The following ZFYVE9 variants were observed in gnomAD, a reference collection of about 807,000 sequenced individuals.
The protein encoded by ZFYVE9 is zinc finger FYVE-type containing 9, also known as zinc finger FYVE domain-containing protein 9.
ZFYVE9 carries 43 observed loss-of-function variants against 126.7 expected under a neutral mutation model. The observed-to-expected ratio is 0.34, with a 90% CI of 0.27 to 0.44. The LOEUF (loss-of-function observed/expected upper bound fraction) is 0.44. Ranked by LOEUF, ZFYVE9 falls within the 20% of genes least tolerant of loss-of-function variation. The pLI is 1.00. For missense variants in ZFYVE9, 1,476 were observed against 1,697.0 expected (o/e 0.87, Z 2.29); for synonymous variants, 521 against 597.4 (o/e 0.87, Z 1.87).
intron 13 of ZFYVE9, among the ~76,000 whole-genome samples, chr1:52,331,755 A>G (rs1344451474): frequency 6.6e-6 from 1 of 150,962 alleles, no homozygotes; most frequent in African/African-American, 2.4e-5. Flanking sequence ...CTGTCTCAAA[A>G]AAAAAAGGTG....
intron 7 of ZFYVE9, among the ~76,000 whole-genome samples, chr1:52,271,010 C>G (rs1645687319): frequency 1.3e-5 from 2 of 152,106 alleles, no homozygotes; most frequent in Admixed American, 1.3e-4. Flanking sequence ...GCAACATAGT[C>G]AGACTCTGTC....
At chr1:52,216,243 A>C in intron 1 of ZFYVE9, 126 bp from the exon 2 acceptor site, 1 of 396,126 alleles carries the variant, frequency 2.5e-6, no homozygotes, top group Non-Finnish European at 4.4e-6. Context: ...TTTGAATCCA[A>C]AGGTATAATT....
In ZFYVE9 at chr1:52,274,347, C is replaced by T; in HGVS notation, c.2626-117C>T. 4.7e-6 allele frequency: 6 copies of T among 1,289,040 alleles called. No individual in the cohort carries two copies. In the South Asian group the frequency reaches 5.4e-5, roughly 12 times the overall value. The allele number at this position is 1,289,040 out of a possible 1,614,324, so 79.9% of individuals were successfully genotyped here. On this transcript the variant is annotated intron_variant, in intron 7 of 18. Transcript: ENST00000287727. Reference sequence around the variant, plus strand: ...TGGGTTAATGAATATTTTGTGCTACCTTTCAAAAAGTATGAATTTCAGATT... The same window carrying T: ...TGGGTTAATGAATATTTTGTGCTACTTTTCAAAAAGTATGAATTTCAGATT...
intron 1 of ZFYVE9, among the ~76,000 whole-genome samples, chr1:52,204,568 A>G (rs1032151570): frequency 1.3e-5 from 2 of 152,088 alleles, no homozygotes; most frequent in Non-Finnish European, 2.9e-5. Context: ...CTCTGCTAAA[A>G]ATACAAAAAT....
At chr1:52,157,604 A>G (rs947095280) in intron 1 of ZFYVE9, among the ~76,000 whole-genome samples, 3 of 151,342 alleles carry the variant, frequency 2.0e-5, no homozygotes, top group East Asian at 2.0e-4. Context: ...GGTTTTCACT[A>G]TGTTGGCCAG....
At chr1:52,175,948 C>T (rs1424455428) in intron 1 of ZFYVE9, among the ~76,000 whole-genome samples, 2 of 152,172 alleles carry the variant, frequency 1.3e-5, no homozygotes, top group African/African-American at 4.8e-5. Context: ...TGAATTTCCT[C>T]CTGTAGCTTG....
In ZFYVE9 at chr1:52,237,649, G is replaced by T; in HGVS notation, c.232G>T (p.Ala78Ser). The T allele has an allele frequency of 6.2e-7, 1 of 1,614,096 alleles. No individual in the cohort carries two copies. The highest frequency in any genetic ancestry group is 8.5e-7 in the Non-Finnish European group (1 of 1,179,978). ...QLKVFSLAHS[A>S]PLTTEEEDHC... ...GAAAGTCTTCTCCCTGGCTCATTCA[G>T]CTCCCCTGACCACAGAGGAAGAGGA... The change falls in exon 4 of 19, where the codon GCT becomes TCT. Residue 78 changes from alanine to serine, a missense_variant. Coordinates refer to ENST00000287727, the MANE Select transcript of ZFYVE9 (RefSeq NM_004799.4).
chr1:52,301,461 C>T (rs1288138831), intron 12 of ZFYVE9, among the ~76,000 whole-genome samples: 1 of 151,814 alleles, frequency 6.6e-6, no homozygotes, highest in East Asian at 1.9e-4. Flanking sequence ...TGCCGCTATG[C>T]CCAGCTAATT....
intron 4 of ZFYVE9, 144 bp from the exon 5 acceptor site, chr1:52,263,629 T>C (rs1350350711): frequency 2.2e-6 from 1 of 462,680 alleles, no homozygotes; most frequent in African/African-American, 2.0e-5. Context: ...TTACCCAACT[T>C]CCTGAACTAC....
chr1:52,318,083 G>T (rs1321416838), intron 13 of ZFYVE9, among the ~76,000 whole-genome samples: 1 of 151,814 alleles, frequency 6.6e-6, no homozygotes, highest in East Asian at 1.9e-4. Context: ...ACCAAAAAAA[G>T]ACATTACAAA....
chr1:52,263,200 C>T (rs867250349), intron 4 of ZFYVE9, among the ~76,000 whole-genome samples: 2 of 151,926 alleles, frequency 1.3e-5, no homozygotes, highest in African/African-American at 4.8e-5. Context: ...TGGAAATTGG[C>T]ATGGCAGATT....
At chr1:52,169,922 G>A (rs1644548435) in intron 1 of ZFYVE9, among the ~76,000 whole-genome samples, 1 of 152,166 alleles carries the variant, frequency 6.6e-6, no homozygotes. Flanking sequence ...CAATCAGTAA[G>A]CCTCAATTTT....
intron 17 of ZFYVE9, 117 bp downstream of exon 17, chr1:52,340,348 C>T: frequency 1.4e-6 from 1 of 736,388 alleles, no homozygotes. Flanking sequence ...TGAGAAAAAT[C>T]TTTCTCGTTT....
chr1:52,323,431 C>CA (rs1646260167), intron 13 of ZFYVE9, among the ~76,000 whole-genome samples: 1 of 152,152 alleles, frequency 6.6e-6, no homozygotes, highest in African/African-American at 2.4e-5. Flanking sequence ...CTCCTACACA[C>CA]AAGAATATAA....
Position 52,239,222 on chromosome 1 carries a change from A to G in ZFYVE9, c.1805A>G (p.Asp602Gly). ...PKPLSDHLQN[D>G]FPANSGNNTK... is the part of the protein sequence containing the mutation. ...CCATTATCAGACCATTTACAAAATG[A>G]CTTTCCTGCAAACAGTGGAAATAAT... is the stretch of plus-strand genomic sequence containing the variant. The change falls in exon 4 of 19, where the codon GAC becomes GGC. Residue 602 changes from aspartate to glycine, a missense_variant. Coordinates refer to ENST00000287727, the MANE Select transcript of ZFYVE9 (RefSeq NM_004799.4). 6.2e-7 allele frequency: 1 copy of G among 1,614,152 alleles called. No homozygotes were observed. The highest frequency in any genetic ancestry group is 1.3e-5 in the African/African-American group (1 of 75,054).
At chr1:52,314,043 AT>A (rs1447026032) in intron 13 of ZFYVE9, among the ~76,000 whole-genome samples, 1 of 152,258 alleles carries the variant, frequency 6.6e-6, no homozygotes, top group African/African-American at 2.4e-5. Flanking sequence ...GACCTAAAAA[AT>A]ATTTGAAGAA....
rs549836993 is a variant in ZFYVE9 at position 52,142,823 on chromosome 1, G to T, written c.-143+420G>T. Among the ~76,000 whole-genome samples the T allele has an allele frequency of 3.3e-5, 5 of 152,334 alleles. No homozygotes were observed. The highest frequency in any genetic ancestry group is 3.3e-4 in the Admixed American group (5 of 15,306). ...CCCATACCGAGTCCCTCAGAATCCC[G>T]GTTGTGGCGGGGAAAGGGGGAGGAG... is the stretch of plus-strand genomic sequence containing the variant. On this transcript the variant is annotated intron_variant, in intron 1 of 18. Coordinates refer to ENST00000287727, the MANE Select transcript of ZFYVE9 (RefSeq NM_004799.4). The surrounding 1 kb of genome is among the most constrained non-coding windows in gnomAD (Gnocchi z 4.5).
chr1:52,329,862 G>A (rs747969376), intron 13 of ZFYVE9, among the ~76,000 whole-genome samples: 3 of 151,954 alleles, frequency 2.0e-5, no homozygotes, highest in Non-Finnish European at 2.9e-5. Flanking sequence ...CCTAGATCGC[G>A]CCACTGCACT....
In ZFYVE9 at chr1:52,198,126, T is replaced by TTTTTG. The variant is rs1553123741; in HGVS notation, c.-142-18239_-142-18238insGTTTT. 2.3e-5 allele frequency among the ~76,000 whole-genome samples: 3 copies of TTTTTG among 128,190 alleles called. No homozygotes were observed. In the East Asian group the frequency reaches 8.6e-4, roughly 37 times the overall value. 84.1% of individuals were successfully genotyped at this position (128,190 alleles called of 152,430 possible). ...TATTGTAGTGTTTTTTTTTGTTTGT[T>TTTTTG]TTTTTTTTTTTTTGAGATGGAGTCT... On this transcript the variant is annotated intron_variant, in intron 1 of 18. Transcript: ENST00000287727.
Sources: gnomAD v4.1 joint callset for allele counts (sites outside exome capture counted in the v4.1 genomes callset) on GRCh38, gnomAD v4.1.1 for gene constraint, Gnocchi (gnomAD v3.1) non-coding constraint, MANE v1.5 for transcripts, NCBI Gene and HGNC (gene_info 2026-07-23, HGNC 2026-07-21) for gene names.